TDRP: variants seen among roughly 807,000 people sequenced by gnomAD.
TDRP encodes testis development-related protein.
A neutral mutation model predicts 10.5 loss-of-function variants in TDRP; 12 were observed. That is an observed-to-expected ratio of 1.15 (90% CI 0.73 to 1.86). TDRP has a LOEUF of 1.86. Among genes scored for constraint, TDRP ranks in the 40% most tolerant of loss-of-function variants. TDRP has a pLI of 0.00. For synonymous variants in TDRP, 139 were observed against 95.4 expected (o/e 1.46, Z -2.67); for missense variants, 353 against 229.2 (o/e 1.54, Z -3.49).
chr8:534,227 A>G (rs899672988), intron 1 of TDRP, among the ~76,000 whole-genome samples: 9 of 152,238 alleles, frequency 5.9e-5, no homozygotes, highest in Non-Finnish European at 1.0e-4. Context: ...CTCTAAGATC[A>G]TCGAATATAA....
At chr8:519,741 C>T (rs533652855) in intron 1 of TDRP, among the ~76,000 whole-genome samples, 1 of 152,200 alleles carries the variant, frequency 6.6e-6, no homozygotes, top group Admixed American at 6.5e-5. Context: ...GTGGAGGGAA[C>T]GTACTTTTTA....
intron 1 of TDRP, among the ~76,000 whole-genome samples, chr8:544,234 C>T (rs1802575477): frequency 6.6e-6 from 1 of 152,160 alleles, no homozygotes; most frequent in Non-Finnish European, 1.5e-5. Context: ...GCCAGCTCCA[C>T]CCGGGACGCG....
At chr8:543,441 T>A (rs1802553646) in intron 1 of TDRP, among the ~76,000 whole-genome samples, 1 of 152,202 alleles carries the variant, frequency 6.6e-6, no homozygotes, top group African/African-American at 2.4e-5. Context: ...TGGCTCATCT[T>A]TGACCAATAT....
chr8:512,737 G>A (rs932108544), intron 1 of TDRP, among the ~76,000 whole-genome samples: 1 of 152,160 alleles, frequency 6.6e-6, no homozygotes, highest in African/African-American at 2.4e-5. Flanking sequence ...CATTTTTGTA[G>A]GCAAAGGTGG....
intron 1 of TDRP, among the ~76,000 whole-genome samples, chr8:499,106 G>A (rs1476395140): frequency 2.0e-5 from 3 of 152,056 alleles, no homozygotes; most frequent in Admixed American, 2.0e-4. Context: ...GGTATCATAA[G>A]GAAAATCAAC....
intron 1 of TDRP, among the ~76,000 whole-genome samples, chr8:528,871 A>T (rs11985247): frequency 6.6e-6 from 1 of 151,782 alleles, no homozygotes; most frequent in Non-Finnish European, 1.5e-5. Context: ...GTAAAGGGGA[A>T]TTTATTAAGT....
At chr8:512,859 C>G (rs547733904) in intron 1 of TDRP, among the ~76,000 whole-genome samples, 62 of 152,024 alleles carry the variant, frequency 4.1e-4, no homozygotes, top group African/African-American at 1.4e-3. Context: ...GTAATCCCAG[C>G]TACTCAGGAG....
intron 1 of TDRP, among the ~76,000 whole-genome samples, chr8:521,244 TCCAAAAAA>T (rs1275686978): frequency 0.02 from 1,467 of 74,538 alleles, 43 homozygotes; most frequent in African/African-American, 0.074. Flanking sequence ...CTACTAAAAA[TCCAAAAAA>T]AAAAAAAAAA....
intron 1 of TDRP, among the ~76,000 whole-genome samples, chr8:531,363 G>A (rs980014712): frequency 6.6e-6 from 1 of 152,174 alleles, no homozygotes; most frequent in Non-Finnish European, 1.5e-5. Context: ...GACATTTTAT[G>A]TGGAGTGGCA....
chr8:514,391 C>T (rs141552719), intron 1 of TDRP, among the ~76,000 whole-genome samples: 2 of 152,308 alleles, frequency 1.3e-5, no homozygotes, highest in Admixed American at 6.5e-5. Flanking sequence ...TGTGTGACAA[C>T]TGGAAAGCCA....
intron 1 of TDRP, among the ~76,000 whole-genome samples, chr8:522,863 A>C (rs1451113635): frequency 6.6e-6 from 1 of 152,202 alleles, no homozygotes; most frequent in East Asian, 1.9e-4. Context: ...AGAACATGGA[A>C]TATCTCTTGC....
At chr8:496,915 G>C (rs1007952509) in intron 1 of TDRP, among the ~76,000 whole-genome samples, 9 of 152,300 alleles carry the variant, frequency 5.9e-5, no homozygotes, top group Non-Finnish European at 1.3e-4. Flanking sequence ...GCCTAGCTTT[G>C]CTGCCACATA....
At chr8:501,118 T>G (rs908590060) in intron 1 of TDRP, among the ~76,000 whole-genome samples, 1 of 151,640 alleles carries the variant, frequency 6.6e-6, no homozygotes, top group Admixed American at 6.6e-5. Flanking sequence ...GGCAGGAGAA[T>G]GGCGTGAACC....
chr8:508,209 A>G (rs1219276907), intron 1 of TDRP, among the ~76,000 whole-genome samples: 1 of 152,244 alleles, frequency 6.6e-6, no homozygotes, highest in Non-Finnish European at 1.5e-5. Context: ...CTAGAAATGA[A>G]AAGTATAATA....
intron 1 of TDRP, among the ~76,000 whole-genome samples, chr8:544,201 G>A (rs977191761): frequency 1.2e-4 from 18 of 152,216 alleles, no homozygotes; most frequent in African/African-American, 3.8e-4. Flanking sequence ...CCGTCCGGAT[G>A]CGCGATGATT....
At position 490,702 on chromosome 8, in the gene TDRP, G is replaced by C. The variant is rs1325608296; in HGVS notation, c.*1697C>G. On this transcript the variant is annotated 3_prime_UTR_variant, in exon 3 of 3. Transcript: ENST00000324079. Reference sequence around the variant, plus strand: ...ATGACTATTTACCTGAGGAAACTTAGAATTTGTCAACTTAGCTGTTATACT... The same window carrying C: ...ATGACTATTTACCTGAGGAAACTTACAATTTGTCAACTTAGCTGTTATACT... The C allele has an allele frequency of 6.6e-6, 1 of 152,214 alleles. No homozygotes were observed. Among genetic ancestry groups the C allele is most frequent in the South Asian group, 2.1e-4 (1 of 4,834 alleles). 9.4% of individuals were successfully genotyped at this position (152,214 alleles called of 1,614,324 possible).
intron 1 of TDRP, among the ~76,000 whole-genome samples, chr8:514,766 G>C (rs1467219818): frequency 6.6e-6 from 1 of 152,052 alleles, no homozygotes; most frequent in Non-Finnish European, 1.5e-5. Context: ...TATAGGGGAA[G>C]GCCCACCCGA....
intron 1 of TDRP, among the ~76,000 whole-genome samples, chr8:510,729 C>G (rs1301350684): frequency 6.6e-6 from 1 of 152,212 alleles, no homozygotes; most frequent in Non-Finnish European, 1.5e-5. Context: ...ATGAGAAACA[C>G]TAAAGGAACT....
chr8:499,103 T>C (rs1417363833), intron 1 of TDRP, among the ~76,000 whole-genome samples: 1 of 152,176 alleles, frequency 6.6e-6, no homozygotes, highest in Non-Finnish European at 1.5e-5. Flanking sequence ...TCTGGTATCA[T>C]AAGGAAAATC....
Sources: allele counts gnomAD v4.1 joint callset (sites outside exome capture counted in the v4.1 genomes callset), GRCh38; gene constraint gnomAD v4.1.1; transcripts MANE v1.5; gene names NCBI Gene and HGNC (gene_info 2026-07-23, HGNC 2026-07-21).